Variants in SGO2 observed in about 807,000 individuals in gnomAD.
SGO2 encodes shugoshin 2, also known as shugoshin-like 2.
A neutral mutation model predicts 99.5 loss-of-function variants in SGO2; 68 were observed. The ratio of observed to expected loss-of-function variants is 0.68; its 90% confidence interval spans 0.56 to 0.84. The LOEUF (loss-of-function observed/expected upper bound fraction) is 0.84. Among genes scored for constraint, SGO2 ranks in the 40% least tolerant of loss-of-function variants. The pLI is 0.00. For missense variants in SGO2, 1,350 were observed against 1,436.7 expected (o/e 0.94, Z 0.97); for synonymous variants, 457 against 487.1 (o/e 0.94, Z 0.81).
intron 5 of SGO2, among the ~76,000 whole-genome samples, chr2:200,552,944 C>T (rs140241624): frequency 1.9e-4 from 29 of 152,190 alleles, no homozygotes; most frequent in East Asian, 3.9e-4. Flanking sequence ...CTGACACATC[C>T]GCACCCCCCC....
At chr2:200,582,338 C>T (rs1270457890) in intron 8 of SGO2, among the ~76,000 whole-genome samples, 1 of 152,006 alleles carries the variant, frequency 6.6e-6, no homozygotes, top group Non-Finnish European at 1.5e-5. Context: ...CCCTATGGGG[C>T]TAGGGACAGA....
intron 5 of SGO2, among the ~76,000 whole-genome samples, chr2:200,548,789 A>G (rs1430966354): frequency 6.6e-6 from 1 of 152,216 alleles, no homozygotes; most frequent in Non-Finnish European, 1.5e-5. Context: ...AATATAAATA[A>G]TTATTAGAGA....
At chr2:200,566,818 G>A (rs2033206845) in intron 5 of SGO2, among the ~76,000 whole-genome samples, 1 of 152,212 alleles carries the variant, frequency 6.6e-6, no homozygotes, top group Non-Finnish European at 1.5e-5. Context: ...TTCAACCTCA[G>A]ACTGCTGTGC....
chr2:200,542,905 C>G (rs1270137229), intron 5 of SGO2: 2 of 286,956 alleles, frequency 7.0e-6, no homozygotes, highest in Non-Finnish European at 1.3e-5. Context: ...TCTTTTTTTT[C>G]TTTTCATCTA....
At chr2:200,574,776 T>C (rs1380893804) in intron 7 of SGO2, among the ~76,000 whole-genome samples, 1 of 152,076 alleles carries the variant, frequency 6.6e-6, no homozygotes, top group Non-Finnish European at 1.5e-5. Flanking sequence ...CCCAAATCTA[T>C]GGAATTTTAA....
At chr2:200,566,553 A>T (rs2106338491) in intron 5 of SGO2, among the ~76,000 whole-genome samples, 1 of 152,304 alleles carries the variant, frequency 6.6e-6, no homozygotes, top group South Asian at 2.1e-4. Context: ...GTCCATTCTC[A>T]GATCTCAAAC....
In SGO2 at chr2:200,576,910, G is replaced by A. The variant is rs370450152; in HGVS notation, c.3782+1449G>A. On this transcript the variant is annotated intron_variant, in intron 8 of 8. Transcript: ENST00000357799. ...TTATGACTGGATAATATTCCATTGT[G>A]TAGATGTACCACATTTTGTTCATCC... Among the ~76,000 whole-genome samples the A allele has an allele frequency of 1.5e-3, 232 of 152,246 alleles. 1 individual carries two copies. Among genetic ancestry groups the A allele is most frequent in the African/African-American group, 5.2e-3 (218 of 41,560 alleles).
intron 5 of SGO2, among the ~76,000 whole-genome samples, chr2:200,553,577 A>G (rs892485551): frequency 5.9e-5 from 9 of 152,236 alleles, no homozygotes; most frequent in Admixed American, 2.6e-4. Context: ...TCTCTCCAGT[A>G]TCACATTTTT....
chr2:200,582,163 AAT>A (rs2033859495), intron 8 of SGO2, among the ~76,000 whole-genome samples: 1 of 152,188 alleles, frequency 6.6e-6, no homozygotes, highest in Admixed American at 6.5e-5. Flanking sequence ...ACATACCTTG[AAT>A]GCATTTCTTA....
At chr2:200,547,010 G>C (rs1444985769) in intron 5 of SGO2, among the ~76,000 whole-genome samples, 3 of 152,098 alleles carry the variant, frequency 2.0e-5, no homozygotes, top group African/African-American at 4.8e-5. Context: ...TACATGTCCA[G>C]GTAAAGGAAG....
intron 5 of SGO2, chr2:200,543,498 C>G (rs941555389): frequency 6.6e-6 from 1 of 152,180 alleles, no homozygotes; most frequent in African/African-American, 2.4e-5. Context: ...ATCCTGTTGT[C>G]TCTTTTAGAA....
In SGO2 at chr2:200,572,320, T is replaced by G. The variant is rs747719583; in HGVS notation, c.1974T>G (p.Ser658=). The G allele has an allele frequency of 1.2e-6, 2 of 1,608,692 alleles. No individual in the cohort carries two copies. Among genetic ancestry groups the G allele is most frequent in the African/African-American group, 2.7e-5 (2 of 74,546 alleles). The change falls in exon 7 of 9, where the codon TCT becomes TCG. Residue 658 remains serine, a synonymous_variant. Coordinates refer to ENST00000357799, the MANE Select transcript of SGO2 (RefSeq NM_152524.6). ...FKTQEDKEPI[S]ENIEVSKELQ... ...CCCAAGAGGATAAAGAACCTATCTC[T>G]GAAAACATAGAAGTTTCCAAAGAGC... is the stretch of plus-strand genomic sequence containing the variant.
chr2:200,573,461 G>T lies in SGO2; in HGVS notation c.3115G>T (p.Glu1039Ter). 1 of 1,611,154 alleles carries T rather than the reference G, an allele frequency of 6.2e-7. No individual in the cohort carries two copies. The highest frequency in any genetic ancestry group is 1.1e-5 in the South Asian group (1 of 90,174). ...EADSDPGNPV[E>*]LCKTQKQSTT... ...AGATTCTGATCCAGGAAACCCAGTT[G>T]AACTATGTAAGACTCAGAAGCAAAG... The change falls in exon 7 of 9, where the codon GAA becomes TAA. Residue 1039 changes from glutamate to a stop codon, truncating the protein, a stop_gained. Transcript: ENST00000357799. LOFTEE classifies it high-confidence loss of function.
chr2:200,544,147 A>G (rs2032097810), intron 5 of SGO2, among the ~76,000 whole-genome samples: 1 of 152,180 alleles, frequency 6.6e-6, no homozygotes, highest in South Asian at 2.1e-4. Context: ...GCCCAGCATT[A>G]TGTTTGTTAG....
Position 200,571,732 on chromosome 2 carries a change from A to G in SGO2, c.1386A>G (p.Glu462=). Reference sequence around the variant, plus strand: ...ATGAACAGCTGGCTCAGATGAATGAACAGCTGGCTCAGGTGAATGAACTAA... The same window carrying G: ...ATGAACAGCTGGCTCAGATGAATGAGCAGCTGGCTCAGGTGAATGAACTAA... ...FNNEQLAQMN[E]QLAQVNELKK... is the part of the protein sequence containing the mutation. The change falls in exon 7 of 9, where the codon GAA becomes GAG. Residue 462 remains glutamate (E), a synonymous_variant. Transcript: ENST00000357799. 1 of 1,613,780 alleles carries G rather than the reference A, an allele frequency of 6.2e-7. No homozygotes were observed. Among genetic ancestry groups the G allele is most frequent in the Non-Finnish European group, 8.5e-7 (1 of 1,179,708 alleles).
chr2:200,545,484 G>A (rs1258766456), intron 5 of SGO2, among the ~76,000 whole-genome samples: 1 of 151,266 alleles, frequency 6.6e-6, no homozygotes, highest in African/African-American at 2.4e-5. Context: ...AATCTTTATT[G>A]GTTCTGGTTC....
In SGO2 at chr2:200,526,859, A is replaced by G. The variant is rs2031120763; in HGVS notation, c.-3+607A>G. Among the ~76,000 whole-genome samples, 1 of 152,200 alleles carries G rather than the reference A, an allele frequency of 6.6e-6. No homozygotes were observed. The highest frequency in any genetic ancestry group is 6.5e-5 in the Admixed American group (1 of 15,280). On this transcript the variant is annotated intron_variant, in intron 1 of 8. Coordinates refer to ENST00000357799, the MANE Select transcript of SGO2 (RefSeq NM_152524.6). This position sits in a 1 kb window ranked among gnomAD's most constrained non-coding sequence, Gnocchi z 4.8. ...AGATAGTCGAGATGCTGGCCGGACA[A>G]GTGTCACAGAGTGCTGGTATTGAGT... is the stretch of plus-strand genomic sequence containing the variant.
chr2:200,547,131 A>C lies in SGO2; in HGVS notation c.473+4467A>C, dbSNP rs150111548. Reference sequence around the variant, plus strand: ...GAAGATCCTAAAAGCAATGAGAGATAAGAAGCAAATAACACAAAGGAGCTC... The same window carrying C: ...GAAGATCCTAAAAGCAATGAGAGATCAGAAGCAAATAACACAAAGGAGCTC... On this transcript the variant is annotated intron_variant, in intron 5 of 8. Transcript: ENST00000357799. 4.7e-3 allele frequency among the ~76,000 whole-genome samples: 715 copies of C among 152,302 alleles called. 11 individuals carry two copies. The highest frequency in any genetic ancestry group is 0.03 in the East Asian group (155 of 5,186).
chr2:200,533,140 GT>G lies in SGO2; in HGVS notation c.133+36del, dbSNP rs139030885. ...GCCATCAGTTTTAAAATACACTCAC[GT>G]TTTAACTTTTCCCCAGAATTGTTAT... is the stretch of plus-strand genomic sequence containing the variant. On this transcript the variant is annotated intron_variant, in intron 2 of 8. Coordinates refer to ENST00000357799, the MANE Select transcript of SGO2 (RefSeq NM_152524.6). The G allele has an allele frequency of 3.2e-4, 485 of 1,518,410 alleles. 3 individuals are homozygous for G. The African/African-American group carries it at 6.3e-3, about 20-fold the overall frequency. The allele number at this position is 1,518,410 out of a possible 1,614,324, so 94.1% of individuals were successfully genotyped here.
Sources: allele counts gnomAD v4.1 joint callset (sites outside exome capture counted in the v4.1 genomes callset), GRCh38; gene constraint gnomAD v4.1.1; non-coding constraint Gnocchi (gnomAD v3.1); transcripts MANE v1.5; gene names NCBI Gene and HGNC (gene_info 2026-07-23, HGNC 2026-07-21).